ABCC4: variants seen among roughly 807,000 people sequenced by gnomAD.
ABCC4 encodes the protein ATP binding cassette subfamily C member 4 (PEL blood group).
In ABCC4, 102 loss-of-function variants were observed where a neutral mutation model predicts 168.5. The observed-to-expected ratio is 0.61, with a 90% CI of 0.52 to 0.71. The LOEUF is 0.71. Among genes scored for constraint, ABCC4 ranks in the 30% least tolerant of loss-of-function variants. ABCC4 has a pLI of 0.00. For missense variants in ABCC4, 1,402 were observed against 1,605.8 expected (o/e 0.87, Z 2.17); for synonymous variants, 617 against 590.7 (o/e 1.04, Z -0.65).
intron 26 of ABCC4, among the ~76,000 whole-genome samples, chr13:95,058,567 C>CAAAAAAAAA (rs1165324016): frequency 8.3e-4 from 52 of 62,772 alleles, no homozygotes; most frequent in East Asian, 4.4e-3. Context: ...GACTCCATCT[C>CAAAAAAAAA]AAAAAAAAAA....
At chr13:95,195,456 C>T (rs1322177742) in intron 8 of ABCC4, among the ~76,000 whole-genome samples, 3 of 152,220 alleles carry the variant, frequency 2.0e-5, no homozygotes, top group Non-Finnish European at 4.4e-5. Flanking sequence ...CTGAAGGCAG[C>T]CCTGGCTCTG....
chr13:95,038,673 A>G (rs1027598752), intron 29 of ABCC4, among the ~76,000 whole-genome samples: 5 of 152,156 alleles, frequency 3.3e-5, no homozygotes, highest in African/African-American at 1.2e-4. Flanking sequence ...GCTCTTGTTC[A>G]CTGTTGCATC....
At chr13:95,267,049 G>A (rs1464272647) in intron 1 of ABCC4, among the ~76,000 whole-genome samples, 1 of 151,866 alleles carries the variant, frequency 6.6e-6, no homozygotes, top group African/African-American at 2.4e-5. Context: ...AATTTGTTTT[G>A]TATTTTTAGT....
Position 95,167,143 on chromosome 13 carries a change from C to T in ABCC4, c.1825-776G>A, listed in dbSNP as rs192365449. ...AGTGAGCAGAGATCAAGCCACTGCACTCCAGCCTGGATGACAAGAGCGAAA... is the reference window on the plus strand; with the variant it reads ...AGTGAGCAGAGATCAAGCCACTGCATTCCAGCCTGGATGACAAGAGCGAAA... On this transcript the variant is annotated intron_variant, in intron 14 of 30. Coordinates refer to ENST00000645237, the MANE Select transcript of ABCC4 (RefSeq NM_005845.5). Among the ~76,000 whole-genome samples, 434 of 151,846 alleles carry T rather than the reference C, an allele frequency of 2.9e-3. 5 individuals carry two copies. The highest frequency in any genetic ancestry group is 0.01 in the African/African-American group (418 of 41,384).
intron 4 of ABCC4, among the ~76,000 whole-genome samples, chr13:95,226,509 A>G (rs2039470605): frequency 6.6e-6 from 1 of 152,160 alleles, no homozygotes; most frequent in Admixed American, 6.5e-5. Flanking sequence ...TCAATGGGGA[A>G]AGAGTAGTCT....
chr13:95,076,335 G>C (rs1356124588), intron 21 of ABCC4, among the ~76,000 whole-genome samples: 1 of 152,136 alleles, frequency 6.6e-6, no homozygotes, highest in Non-Finnish European at 1.5e-5. Context: ...ATGTGCCATT[G>C]CTTTTTTCAG....
At chr13:95,069,912 G>C (rs907341360) in intron 25 of ABCC4, among the ~76,000 whole-genome samples, 1 of 152,252 alleles carries the variant, frequency 6.6e-6, no homozygotes, top group Middle Eastern at 3.4e-3. Context: ...TGCAAATAAT[G>C]CTGTTATGAA....
chr13:95,021,827 T>C (rs977267120), intron 30 of ABCC4, 145 bp from the exon 31 acceptor site: 8 of 640,852 alleles, frequency 1.2e-5, no homozygotes, highest in Non-Finnish European at 1.9e-5. Flanking sequence ...GGGATGAATC[T>C]ACTGTACAGA....
intron 1 of ABCC4, among the ~76,000 whole-genome samples, chr13:95,297,350 C>A (rs1461210818): frequency 2.0e-5 from 3 of 151,774 alleles, no homozygotes; most frequent in Non-Finnish European, 4.4e-5. Context: ...AGCCATAATG[C>A]ATGACTCCTT....
chr13:95,049,216 C>T (rs1303723201), intron 27 of ABCC4, among the ~76,000 whole-genome samples: 1 of 151,988 alleles, frequency 6.6e-6, no homozygotes, highest in African/African-American at 2.4e-5. Context: ...TGCCTTTAAT[C>T]CTAGCTACCT....
At chr13:95,202,468 T>G (rs1344810116) in intron 8 of ABCC4, among the ~76,000 whole-genome samples, 1 of 152,082 alleles carries the variant, frequency 6.6e-6, no homozygotes. Flanking sequence ...TCCAATCCCC[T>G]TATTTAAAGA....
chr13:95,201,995 G>A (rs563646022), intron 8 of ABCC4, among the ~76,000 whole-genome samples: 41 of 152,138 alleles, frequency 2.7e-4, no homozygotes, highest in Non-Finnish European at 5.4e-4. Context: ...GACTGTGATG[G>A]TGAATTTTAT....
At chr13:95,153,854 G>C (rs2036769547) in intron 19 of ABCC4, among the ~76,000 whole-genome samples, 1 of 152,164 alleles carries the variant, frequency 6.6e-6, no homozygotes, top group Admixed American at 6.5e-5. Context: ...TCAAATATAT[G>C]TAACTACGTA....
chr13:95,219,607 A>G (rs1212359191), intron 4 of ABCC4, among the ~76,000 whole-genome samples: 1 of 152,080 alleles, frequency 6.6e-6, no homozygotes. Context: ...CTGGGGTCCA[A>G]GCAATCCTCC....
rs543071116 is a variant in ABCC4, at chr13:95,199,703, C to T, written c.1162-4766G>A. On this transcript the variant is annotated intron_variant, in intron 8 of 30. Coordinates refer to ENST00000645237, the MANE Select transcript of ABCC4 (RefSeq NM_005845.5). Reference sequence around the variant, plus strand: ...CATCATCATCTTCCGGGACTGCTTGCTGCATCAGCCTCCTGACGTATCTCC... The same window carrying T: ...CATCATCATCTTCCGGGACTGCTTGTTGCATCAGCCTCCTGACGTATCTCC... 7.9e-5 allele frequency among the ~76,000 whole-genome samples: 12 copies of T among 152,320 alleles called. No individual in the cohort carries two copies. The East Asian group carries it at 2.3e-3, about 29-fold the overall frequency.
At chr13:95,124,562 T>TAA (rs55651091) in intron 19 of ABCC4, among the ~76,000 whole-genome samples, 6 of 121,910 alleles carry the variant, frequency 4.9e-5, no homozygotes, top group Admixed American at 3.3e-4. Context: ...CCCCCTTTCT[T>TAA]AAAAAAAAAA....
intron 26 of ABCC4, among the ~76,000 whole-genome samples, 195 bp downstream of exon 26, chr13:95,062,503 CACACAG>C (rs2033336260): frequency 6.6e-6 from 1 of 151,368 alleles, no homozygotes; most frequent in Non-Finnish European, 1.5e-5. Flanking sequence ...CACACACACA[CACACAG>C]AGAGAGAGAG....
chr13:95,278,511 G>A (rs1001851708), intron 1 of ABCC4, among the ~76,000 whole-genome samples: 1 of 152,140 alleles, frequency 6.6e-6, no homozygotes, highest in African/African-American at 2.4e-5. Context: ...CCCAGACAGA[G>A]AGGCAAGGGG....
intron 11 of ABCC4, among the ~76,000 whole-genome samples, chr13:95,180,690 T>C (rs2037861431): frequency 6.6e-6 from 1 of 152,238 alleles, no homozygotes; most frequent in South Asian, 2.1e-4. Context: ...CCTCATTCCA[T>C]TGCTGATGGT....
Sources: gnomAD v4.1 joint callset for allele counts (sites outside exome capture counted in the v4.1 genomes callset) on GRCh38, gnomAD v4.1.1 for gene constraint, MANE v1.5 for transcripts, NCBI Gene and HGNC (gene_info 2026-07-23, HGNC 2026-07-21) for gene names.